HHAT: variants seen among roughly 807,000 people sequenced by gnomAD.
The protein encoded by HHAT is hedgehog acyltransferase.
Under a neutral mutation model 70.8 loss-of-function variants are expected in HHAT, and 47 were observed. The ratio of observed to expected loss-of-function variants is 0.66; its 90% CI spans 0.53 to 0.85. HHAT has a LOEUF of 0.85. Ranked by LOEUF, HHAT falls within the 40% of genes least tolerant of loss-of-function variation. HHAT has a pLI of 0.00. For synonymous variants in HHAT, 228 were observed against 247.6 expected (o/e 0.92, Z 0.74); for missense variants, 609 against 604.8 (o/e 1.01, Z -0.07).
At chr1:210,565,405 T>C (rs766043809) in intron 9 of HHAT, among the ~76,000 whole-genome samples, 1 of 152,212 alleles carries the variant, frequency 6.6e-6, no homozygotes, top group Non-Finnish European at 1.5e-5. Context: ...CTCTGATGTG[T>C]TGCACAGTAT....
Position 210,400,516 on chromosome 1 carries a change from G to T in HHAT, c.322G>T (p.Val108Leu), listed in dbSNP as rs763536701. ...CTATGGGATGTGGGCCTGCTGGTGT[G>T]TGCTGGGGACCCCTGGTGTGGCTAT... ...MLYGMWACWC[V>L]LGTPGVAMVL... Residue 108 changes from valine (V) to leucine (L), a missense_variant, in exon 5 of 12, where the codon GTG becomes TTG. Coordinates refer to ENST00000261458, the MANE Select transcript of HHAT (RefSeq NM_018194.6). The T allele has an allele frequency of 3.1e-6, 5 of 1,614,034 alleles. No homozygotes were observed. Among genetic ancestry groups the T allele is most frequent in the Non-Finnish European group, 4.2e-6 (5 of 1,179,996 alleles).
intron 6 of HHAT, among the ~76,000 whole-genome samples, chr1:210,409,119 G>T (rs2092438829): frequency 6.6e-6 from 1 of 152,116 alleles, no homozygotes; most frequent in Non-Finnish European, 1.5e-5. Context: ...TCTTGCTTCG[G>T]CCTCCCAAAG....
At chr1:210,458,892 G>T (rs2093923663) in intron 7 of HHAT, among the ~76,000 whole-genome samples, 1 of 152,142 alleles carries the variant, frequency 6.6e-6, no homozygotes, top group Non-Finnish European at 1.5e-5. Flanking sequence ...AGAAGGGCTG[G>T]GTAGGTATGT....
chr1:210,586,381 G>A (rs1446986529), intron 9 of HHAT, among the ~76,000 whole-genome samples: 2 of 152,124 alleles, frequency 1.3e-5, no homozygotes, highest in Non-Finnish European at 2.9e-5. Context: ...TTGAGGTTGT[G>A]GTAAGCTGTG....
At chr1:210,642,157 G>A (rs754477791) in intron 11 of HHAT, among the ~76,000 whole-genome samples, 10 of 152,136 alleles carry the variant, frequency 6.6e-5, no homozygotes, top group Non-Finnish European at 1.3e-4. Flanking sequence ...AAAGCAGAAG[G>A]GACTGTATTT....
rs530777330 is a variant in HHAT, at chr1:210,379,279, C to CT, written c.160-8188dup. Among the ~76,000 whole-genome samples, 232 of 152,316 alleles carry CT rather than the reference C, an allele frequency of 1.5e-3. 1 individual carries two copies. The highest frequency in any genetic ancestry group is 6.8e-3 in the Middle Eastern group (2 of 294). On this transcript the variant is annotated intron_variant, in intron 3 of 11. Transcript: ENST00000261458. ...ACAGACCATACATTGTTTCTTTACT[C>CT]TGAGAGTCATAGTGTTTGTATTTGT...
intron 9 of HHAT, among the ~76,000 whole-genome samples, chr1:210,536,728 G>T (rs1472315848): frequency 1.3e-5 from 2 of 152,208 alleles, no homozygotes; most frequent in Non-Finnish European, 2.9e-5. Flanking sequence ...CCCCCATGGG[G>T]CTTCTGTTTG....
At chr1:210,538,145 T>A (rs531072444) in intron 9 of HHAT, among the ~76,000 whole-genome samples, 2 of 152,088 alleles carry the variant, frequency 1.3e-5, no homozygotes, top group East Asian at 3.8e-4. Flanking sequence ...TAATTTGCTA[T>A]TATAGTATGT....
At chr1:210,524,215 G>A (rs2095210024) in intron 9 of HHAT, among the ~76,000 whole-genome samples, 1 of 152,190 alleles carries the variant, frequency 6.6e-6, no homozygotes, top group African/African-American at 2.4e-5. Flanking sequence ...TTAAAAACCT[G>A]TTAACAGGTT....
intron 10 of HHAT, among the ~76,000 whole-genome samples, chr1:210,592,839 G>C (rs188811373): frequency 2.8e-4 from 42 of 150,510 alleles, no homozygotes; most frequent in African/African-American, 1.0e-3. Context: ...CTGGCTAAAG[G>C]CTTGTCAATT....
chr1:210,607,847 C>G (rs995965499), intron 10 of HHAT, among the ~76,000 whole-genome samples: 3 of 152,092 alleles, frequency 2.0e-5, no homozygotes, highest in African/African-American at 4.8e-5. Context: ...TACCCACCCC[C>G]TAACAACCAC....
At chr1:210,532,345 G>C (rs1464638246) in intron 9 of HHAT, among the ~76,000 whole-genome samples, 2 of 152,180 alleles carry the variant, frequency 1.3e-5, no homozygotes, top group African/African-American at 4.8e-5. Flanking sequence ...CTACTGAGAG[G>C]AGGTTCCTTA....
Position 210,674,269 on chromosome 1 carries a change from C to T in HHAT, c.1391-19C>T. 1 of 1,599,172 alleles carries T rather than the reference C, an allele frequency of 6.3e-7. No individual in the cohort carries two copies. The highest frequency in any genetic ancestry group is 8.6e-7 in the Non-Finnish European group (1 of 1,166,458). On this transcript the variant is annotated intron_variant, in intron 11 of 11. Coordinates refer to ENST00000261458, the MANE Select transcript of HHAT (RefSeq NM_018194.6). Reference sequence around the variant, plus strand: ...CAAGCATTTCTAACTGCTCTTCCATCTCTGTCCTCCCTCTGCAGGCTGGCC... The same window carrying T: ...CAAGCATTTCTAACTGCTCTTCCATTTCTGTCCTCCCTCTGCAGGCTGGCC...
Position 210,674,350 on chromosome 1 carries a change from G to C in HHAT, c.1453G>C (p.Ala485Pro). Residue 485 changes from alanine (A) to proline (P), a missense_variant, in exon 12 of 12, where the codon GCC (alanine) becomes CCC (proline). Physicochemically the swap from Ala to Pro is conservative, Grantham distance 27. Transcript: ENST00000261458. ...GTACTGCTACTCCCACGTGGGCATTGCCTGGGCCCAGACCTACGCCACGGA... is the reference window on the plus strand; with the variant it reads ...GTACTGCTACTCCCACGTGGGCATTCCCTGGGCCCAGACCTACGCCACGGA... ...FLYCYSHVGI[A>P]WAQTYATD is the part of the protein sequence containing the mutation. 2 of 1,614,144 alleles carry C rather than the reference G, an allele frequency of 1.2e-6. No individual in the cohort carries two copies. Among genetic ancestry groups the C allele is most frequent in the Non-Finnish European group, 1.7e-6 (2 of 1,180,016 alleles).
chr1:210,514,806 G>T (rs1354878700), intron 9 of HHAT, among the ~76,000 whole-genome samples: 2 of 152,248 alleles, frequency 1.3e-5, no homozygotes, highest in Non-Finnish European at 2.9e-5. Context: ...GTCTGGGAAT[G>T]CTGTCACTTG....
At chr1:210,597,230 C>T (rs1436263240) in intron 10 of HHAT, among the ~76,000 whole-genome samples, 1 of 152,184 alleles carries the variant, frequency 6.6e-6, no homozygotes, top group Non-Finnish European at 1.5e-5. Flanking sequence ...TGGAGTGACA[C>T]AAAAACTCCT....
chr1:210,460,897 C>T (rs1210381762), intron 7 of HHAT, among the ~76,000 whole-genome samples: 7 of 152,104 alleles, frequency 4.6e-5, no homozygotes, highest in Non-Finnish European at 1.0e-4. Flanking sequence ...TTCCATTTGC[C>T]GTACCCTCTG....
chr1:210,626,107 G>C (rs1019597112), intron 11 of HHAT, among the ~76,000 whole-genome samples: 9 of 152,222 alleles, frequency 5.9e-5, no homozygotes, highest in Non-Finnish European at 1.2e-4. Context: ...AAGATTGTAT[G>C]TGAGGCCAGG....
intron 9 of HHAT, among the ~76,000 whole-genome samples, chr1:210,576,081 A>G (rs2148750960): frequency 6.6e-6 from 1 of 152,298 alleles, no homozygotes; most frequent in East Asian, 1.9e-4. Flanking sequence ...CATAATCAAC[A>G]GGTATATGTG....
Sources: allele counts gnomAD v4.1 joint callset (sites outside exome capture counted in the v4.1 genomes callset), GRCh38; gene constraint gnomAD v4.1.1; transcripts MANE v1.5; gene names NCBI Gene and HGNC (gene_info 2026-07-23, HGNC 2026-07-21).